Variants in GALNT13 observed in about 807,000 individuals in gnomAD.
GALNT13 encodes the protein UDP-GalNAc:polypeptide N-acetylgalactosaminyltransferase 13.
A neutral mutation model predicts 64.2 loss-of-function variants in GALNT13; 28 were observed. That is an observed-to-expected ratio of 0.44 (90% CI 0.32 to 0.60). GALNT13 has a LOEUF of 0.60. Ranked by LOEUF, GALNT13 falls within the 20% of genes least tolerant of loss-of-function variation. The probability of loss-of-function intolerance (pLI) is 0.05; values close to 1 mark genes in which losing one functional copy is unlikely to be tolerated. For missense variants in GALNT13, 577 were observed against 669.8 expected (o/e 0.86, Z 1.53); for synonymous variants, 214 against 224.6 (o/e 0.95, Z 0.42).
At chr2:153,068,823 A>T in the GALNT13 span, among the ~76,000 whole-genome samples, 1 of 152,154 alleles carries the variant, frequency 6.6e-6, no homozygotes, top group East Asian at 1.9e-4. Flanking sequence ...GGGGAGCCTG[A>T]ACAGTTTGTT....
At chr2:153,691,075 A>G in the GALNT13 span, among the ~76,000 whole-genome samples, 2 of 151,464 alleles carry the variant, frequency 1.3e-5, no homozygotes, top group Non-Finnish European at 2.9e-5. Context: ...CCAGCTTTCC[A>G]CTCCTTTGGT....
chr2:153,787,172 A>C, the GALNT13 span, among the ~76,000 whole-genome samples: 2 of 152,142 alleles, frequency 1.3e-5, no homozygotes, highest in Admixed American at 6.5e-5. Context: ...TATGTCCAGC[A>C]CTCAAATGGG....
At chr2:153,981,009 C>G (rs1474197863) in intron 3 of GALNT13, among the ~76,000 whole-genome samples, 1 of 151,976 alleles carries the variant, frequency 6.6e-6, no homozygotes, top group Non-Finnish European at 1.5e-5. Context: ...TTTAAAATAT[C>G]TTTATTCACG....
chr2:154,039,691 G>A (rs1698869735), intron 3 of GALNT13, among the ~76,000 whole-genome samples: 1 of 139,186 alleles, frequency 7.2e-6, no homozygotes, highest in African/African-American at 2.5e-5. Context: ...AAAAGTTCTA[G>A]TGTTCTGTAG....
At chr2:153,254,384 A>C in the GALNT13 span, among the ~76,000 whole-genome samples, 3 of 151,996 alleles carry the variant, frequency 2.0e-5, no homozygotes, top group Non-Finnish European at 4.4e-5. Context: ...TCTGGCTAAC[A>C]GTCTGTCAAT....
intron 8 of GALNT13, among the ~76,000 whole-genome samples, chr2:154,279,218 A>C (rs1691825377): frequency 6.6e-6 from 1 of 152,046 alleles, no homozygotes; most frequent in Non-Finnish European, 1.5e-5. Context: ...GCCTCAGATA[A>C]ATTGTCATGT....
the GALNT13 span, among the ~76,000 whole-genome samples, chr2:153,346,335 T>C: frequency 6.6e-6 from 1 of 152,180 alleles, no homozygotes; most frequent in African/African-American, 2.4e-5. Context: ...TCTGTACAAA[T>C]TGCTTTTAGA....
At chr2:153,867,394 G>C (rs1326484912), upstream of GALNT13, among the ~76,000 whole-genome samples, 1 of 53,602 alleles carries the variant, frequency 1.9e-5, no homozygotes, top group Non-Finnish European at 4.9e-5. Flanking sequence ...TGTGGTGCAT[G>C]AGTTGAAAAG....
chr2:153,238,393 A>C, the GALNT13 span, among the ~76,000 whole-genome samples: 3 of 152,014 alleles, frequency 2.0e-5, no homozygotes, highest in Non-Finnish European at 4.4e-5. Context: ...GTATTACTGA[A>C]GGAATCTTCA....
At chr2:154,111,342 C>T (rs1702975546) in intron 3 of GALNT13, among the ~76,000 whole-genome samples, 1 of 152,140 alleles carries the variant, frequency 6.6e-6, no homozygotes. Flanking sequence ...AAGAGACACC[C>T]TGATAGATCT....
intron 2 of GALNT13, among the ~76,000 whole-genome samples, chr2:153,915,508 T>C (rs1249616494): frequency 6.6e-6 from 1 of 152,182 alleles, no homozygotes; most frequent in African/African-American, 2.4e-5. Context: ...CCTCATTCTC[T>C]CTTATTCTGT....
chr2:154,446,567 G>C (rs1701588253), intron 12 of GALNT13: 1 of 1,538,468 alleles, frequency 6.5e-7, no homozygotes, highest in South Asian at 1.2e-5. Flanking sequence ...TTGTCAAACA[G>C]ACCCACACTC....
intron 3 of GALNT13, among the ~76,000 whole-genome samples, chr2:154,030,979 G>A (rs1198596706): frequency 2.6e-5 from 4 of 152,038 alleles, no homozygotes; most frequent in Admixed American, 6.6e-5. Flanking sequence ...AGTGAAGGGC[G>A]CTGAAAATAA....
chr2:154,122,289 G>A (rs767095442), intron 3 of GALNT13, among the ~76,000 whole-genome samples: 41 of 151,738 alleles, frequency 2.7e-4, no homozygotes, highest in Non-Finnish European at 4.7e-4. Flanking sequence ...ATAAAAAATA[G>A]CTTCAATTTT....
At chr2:153,926,822 ATTAC>A (rs1031123700) in intron 2 of GALNT13, among the ~76,000 whole-genome samples, 2 of 152,110 alleles carry the variant, frequency 1.3e-5, no homozygotes, top group African/African-American at 4.8e-5. Flanking sequence ...TGATTTTCTT[ATTAC>A]TTTAAAATAA....
the GALNT13 span, among the ~76,000 whole-genome samples, chr2:153,841,364 A>G: frequency 2.0e-5 from 3 of 152,302 alleles, no homozygotes; most frequent in East Asian, 5.8e-4. Context: ...TATTTTTAGA[A>G]ACTTTTACTT....
chr2:153,363,216 C>T, the GALNT13 span, among the ~76,000 whole-genome samples: 19 of 151,886 alleles, frequency 1.3e-4, no homozygotes, highest in African/African-American at 2.7e-4. Flanking sequence ...CCAGAATCTC[C>T]GAGACACTGC....
At chr2:153,733,338 C>T in the GALNT13 span, among the ~76,000 whole-genome samples, 22 of 152,024 alleles carry the variant, frequency 1.4e-4, no homozygotes, top group African/African-American at 5.1e-4. Flanking sequence ...GTTAGCCTGC[C>T]CTTCATGTGT....
chr2:153,647,485 C>G, the GALNT13 span, among the ~76,000 whole-genome samples: 615 of 152,248 alleles, frequency 4.0e-3, 6 homozygotes, highest in African/African-American at 0.014. Context: ...TCCCATTTGT[C>G]AATTTTGGCT....
Sources: gnomAD v4.1 joint callset for allele counts (sites outside exome capture counted in the v4.1 genomes callset) on GRCh38, gnomAD v4.1.1 for gene constraint, MANE v1.5 for transcripts, NCBI Gene and HGNC (gene_info 2026-07-23, HGNC 2026-07-21) for gene names.